GRM7: variants seen among roughly 807,000 people sequenced by gnomAD.
GRM7 encodes glutamate metabotropic receptor 7.
A neutral mutation model predicts 84.5 loss-of-function variants in GRM7; 35 were observed. The observed-to-expected ratio is 0.41, with a 90% CI of 0.32 to 0.55. The LOEUF (loss-of-function observed/expected upper bound fraction) is 0.55, where lower values mean the gene tolerates loss of function less well. Among genes scored for constraint, GRM7 ranks in the 20% least tolerant of loss-of-function variants. The probability of loss-of-function intolerance (pLI) is 0.19; values close to 1 mark genes in which losing one functional copy is unlikely to be tolerated. For synonymous variants in GRM7, 487 were observed against 455.1 expected, an observed-to-expected ratio of 1.07 and a Z score of -0.89; for missense variants, 1,003 against 1,194.6, an observed-to-expected ratio of 0.84 and a Z score of 2.36.
intron 4 of GRM7, among the ~76,000 whole-genome samples, chr3:7,364,399 G>T (rs534964117): frequency 2.0e-5 from 3 of 151,768 alleles, no homozygotes; most frequent in Non-Finnish European, 4.4e-5. Context: ...CTTATAAGCA[G>T]TGCCTATCTG....
chr3:6,996,832 A>G (rs1473230039), intron 1 of GRM7, among the ~76,000 whole-genome samples: 1 of 152,194 alleles, frequency 6.6e-6, no homozygotes, highest in African/African-American at 2.4e-5. Flanking sequence ...TACTCACCAG[A>G]ATCAAAATCC....
intron 5 of GRM7, among the ~76,000 whole-genome samples, chr3:7,435,040 A>AT (rs200904055): frequency 1.3e-5 from 2 of 151,978 alleles, no homozygotes; most frequent in South Asian, 2.1e-4. Flanking sequence ...TATCTCTTAA[A>AT]TTTTTTTTCA....
intron 1 of GRM7, among the ~76,000 whole-genome samples, chr3:6,951,463 A>G (rs972188513): frequency 5.9e-5 from 9 of 152,162 alleles, no homozygotes; most frequent in Admixed American, 4.6e-4. Flanking sequence ...GTGGTATTCT[A>G]CAAATACTGA....
At chr3:7,339,728 G>A (rs898148062) in intron 4 of GRM7, among the ~76,000 whole-genome samples, 1 of 152,142 alleles carries the variant, frequency 6.6e-6, no homozygotes, top group African/African-American at 2.4e-5. Flanking sequence ...TATGGGAGGG[G>A]TGAACTGAAG....
At chr3:7,135,544 T>C (rs1354033601) in intron 1 of GRM7, among the ~76,000 whole-genome samples, 7 of 152,206 alleles carry the variant, frequency 4.6e-5, no homozygotes, top group Non-Finnish European at 8.8e-5. Flanking sequence ...AGTTTTGTAC[T>C]GCCCACATAT....
At chr3:7,494,940 G>C (rs1327902998) in intron 7 of GRM7, among the ~76,000 whole-genome samples, 1 of 152,044 alleles carries the variant, frequency 6.6e-6, no homozygotes, top group East Asian at 1.9e-4. Context: ...TTTCAGTATT[G>C]GCATCAGTTG....
At chr3:7,429,812 A>G (rs962932695) in intron 5 of GRM7, among the ~76,000 whole-genome samples, 1 of 152,242 alleles carries the variant, frequency 6.6e-6, no homozygotes, top group East Asian at 1.9e-4. Context: ...CAATTTAAAA[A>G]TAAAACATAA....
chr3:7,160,305 A>G (rs1369211470), intron 2 of GRM7, among the ~76,000 whole-genome samples: 1 of 152,142 alleles, frequency 6.6e-6, no homozygotes, highest in Non-Finnish European at 1.5e-5. Flanking sequence ...AGGTTATTGG[A>G]AAAGTGCCAA....
At chr3:6,969,115 T>G (rs1693639505) in intron 1 of GRM7, among the ~76,000 whole-genome samples, 1 of 152,086 alleles carries the variant, frequency 6.6e-6, no homozygotes, top group African/African-American at 2.4e-5. Context: ...TGTGAGCCAG[T>G]AATTTAAAAA....
intron 1 of GRM7, among the ~76,000 whole-genome samples, chr3:7,078,219 T>G (rs1380814598): frequency 6.6e-6 from 1 of 152,234 alleles, no homozygotes; most frequent in Admixed American, 6.5e-5. Flanking sequence ...CTTGATTTCC[T>G]CAGTGACAGC....
At chr3:7,224,655 A>T (rs1240522552) in intron 2 of GRM7, among the ~76,000 whole-genome samples, 1 of 152,186 alleles carries the variant, frequency 6.6e-6, no homozygotes, top group Non-Finnish European at 1.5e-5. Context: ...AATCCTCCAA[A>T]CCACTACTCA....
chr3:6,998,623 C>G (rs1339600065), intron 1 of GRM7, among the ~76,000 whole-genome samples: 2 of 152,258 alleles, frequency 1.3e-5, no homozygotes, highest in African/African-American at 4.8e-5. Flanking sequence ...AAACTTCTGC[C>G]TGGGCATCGA....
intron 5 of GRM7, among the ~76,000 whole-genome samples, chr3:7,419,670 T>C (rs1051840170): frequency 6.6e-6 from 1 of 152,184 alleles, no homozygotes; most frequent in Non-Finnish European, 1.5e-5. Flanking sequence ...AGAACATTTG[T>C]CTAACTAATA....
At chr3:6,934,522 T>C (rs1697620091) in intron 1 of GRM7, among the ~76,000 whole-genome samples, 1 of 152,194 alleles carries the variant, frequency 6.6e-6, no homozygotes, top group Non-Finnish European at 1.5e-5. Flanking sequence ...AAAGTTACCA[T>C]GAAGACATTA....
intron 4 of GRM7, among the ~76,000 whole-genome samples, chr3:7,315,759 T>G (rs1253955397): frequency 6.6e-6 from 1 of 152,136 alleles, no homozygotes; most frequent in South Asian, 2.1e-4. Context: ...TATTTGTCTT[T>G]TTCTTGATTT....
At position 6,863,107 on chromosome 3, in the gene GRM7, T is replaced by A. The variant is rs1694818563; in HGVS notation, c.519+1200T>A. 1 of 374,176 alleles carries A rather than the reference T, an allele frequency of 2.7e-6. No homozygotes were observed. The highest frequency in any genetic ancestry group is 5.3e-6 in the Non-Finnish European group (1 of 190,206). 23.2% of individuals were successfully genotyped at this position (374,176 alleles called of 1,614,324 possible). A position where few individuals can be genotyped will look rare whatever the true frequency, so the allele number is the denominator to read the frequency against. On this transcript the variant is annotated intron_variant, in intron 1 of 9. Coordinates refer to ENST00000357716, the MANE Select transcript of GRM7 (RefSeq NM_000844.4). The surrounding 1 kb of genome is among the most constrained non-coding windows in gnomAD (Gnocchi z 4.8). ...CTATATGTGCATCACTCTCTCTTTCTGTCTCTGTCTCCTTGCTGTTTTTTT... is the reference window on the plus strand; with the variant it reads ...CTATATGTGCATCACTCTCTCTTTCAGTCTCTGTCTCCTTGCTGTTTTTTT...
intron 2 of GRM7, among the ~76,000 whole-genome samples, chr3:7,184,576 T>C (rs1695452002): frequency 6.7e-6 from 1 of 150,210 alleles, no homozygotes; most frequent in South Asian, 2.1e-4. Flanking sequence ...TCCTTTCCTC[T>C]ATTTTGTAAA....
At chr3:6,873,162 C>T (rs756647732) in intron 1 of GRM7, among the ~76,000 whole-genome samples, 2 of 152,160 alleles carry the variant, frequency 1.3e-5, no homozygotes, top group Non-Finnish European at 2.9e-5. Context: ...ACTTCCACCT[C>T]CCAGGTTCAA....
intron 7 of GRM7, among the ~76,000 whole-genome samples, chr3:7,470,519 G>A (rs945035612): frequency 1.6e-4 from 25 of 152,100 alleles, no homozygotes; most frequent in African/African-American, 5.3e-4. Context: ...TTCTATGAAT[G>A]TCTGCAAGAT....
Sources: gnomAD v4.1 joint callset for allele counts (sites outside exome capture counted in the v4.1 genomes callset) on GRCh38, gnomAD v4.1.1 for gene constraint, Gnocchi (gnomAD v3.1) non-coding constraint, MANE v1.5 for transcripts, NCBI Gene and HGNC (gene_info 2026-07-23, HGNC 2026-07-21) for gene names.